The following HERC4 variants were observed in gnomAD, a reference collection of about 807,000 sequenced individuals.
HERC4 encodes HECT and RLD domain containing E3 ubiquitin protein ligase 4.
In HERC4, 28 loss-of-function variants were observed where a neutral mutation model predicts 124.3. The ratio of observed to expected loss-of-function variants is 0.23; its 90% CI spans 0.17 to 0.31. The LOEUF is 0.31. Ranked by LOEUF, HERC4 falls within the 10% of genes least tolerant of loss-of-function variation. The pLI, the probability that HERC4 is intolerant of heterozygous loss-of-function variation, is 1.00. For missense variants in HERC4, 713 were observed against 1,229.3 expected, an observed-to-expected ratio of 0.58 and a Z score of 6.28; for synonymous variants, 407 against 421.5, an observed-to-expected ratio of 0.97 and a Z score of 0.42.
chr10:67,996,253 C>T (rs1564525505), intron 9 of HERC4: 3 of 343,036 alleles, frequency 8.7e-6, no homozygotes, highest in Non-Finnish European at 5.7e-6. Context: ...GCCTGGGCAG[C>T]CTTCTTCTTC....
chr10:68,074,225 T>C (rs2133897141), intron 1 of HERC4: 1 of 152,292 alleles, frequency 6.6e-6, no homozygotes, highest in Non-Finnish European at 1.5e-5. Flanking sequence ...ACACATCGCG[T>C]TACTAAATAT....
At chr10:67,998,034 G>A (rs1223275759) in intron 9 of HERC4, among the ~76,000 whole-genome samples, 1 of 151,924 alleles carries the variant, frequency 6.6e-6, no homozygotes, top group Non-Finnish European at 1.5e-5. Context: ...GAGTAGCTGG[G>A]ACTATAGGTG....
chr10:67,990,231 T>C lies in HERC4; in HGVS notation c.1613A>G (p.Lys538Arg). 1 of 1,605,356 alleles carries C rather than the reference T, an allele frequency of 6.2e-7. No homozygotes were observed. The change falls in exon 14 of 25, where the codon AAG (lysine) becomes AGG (arginine). Residue 538 changes from lysine (K) to arginine (R), a missense_variant. Transcript: ENST00000373700. ...PFGTALVNLE[K>R]APLKVLENWW... ...CTTACCAAGTACTTTCAGTGGTGCC[T>C]TTTCTAGGTTCACAAGAGCTGTACC... is the stretch of plus-strand genomic sequence containing the variant.
At chr10:68,017,591 C>T (rs1272468927) in intron 8 of HERC4, among the ~76,000 whole-genome samples, 1 of 152,212 alleles carries the variant, frequency 6.6e-6, no homozygotes, top group Admixed American at 6.5e-5. Flanking sequence ...TCAAGTGATT[C>T]TCCTGTCTCA....
chr10:68,007,018 T>A (rs1195006681), intron 9 of HERC4, among the ~76,000 whole-genome samples: 1 of 152,200 alleles, frequency 6.6e-6, no homozygotes, highest in Non-Finnish European at 1.5e-5. Context: ...TATTTTTCTT[T>A]AGGATTGAAA....
intron 3 of HERC4, 144 bp from the exon 4 acceptor site, chr10:68,044,707 C>G: frequency 1.5e-6 from 1 of 689,350 alleles, no homozygotes; most frequent in Non-Finnish European, 2.4e-6. Context: ...TAAACACACA[C>G]TAGATATAAC....
intron 16 of HERC4, among the ~76,000 whole-genome samples, chr10:67,962,447 C>T (rs888227305): frequency 1.3e-5 from 2 of 151,844 alleles, no homozygotes; most frequent in African/African-American, 2.4e-5. Context: ...ATTTATAGTG[C>T]GACTAACCCA....
chr10:67,949,304 A>T (rs1377260921), intron 19 of HERC4, among the ~76,000 whole-genome samples: 1 of 152,002 alleles, frequency 6.6e-6, no homozygotes, highest in African/African-American at 2.4e-5. Context: ...AAAAATAAAA[A>T]TAATAAAAAT....
At chr10:67,923,500 A>G (rs1470914465) in intron 24 of HERC4, among the ~76,000 whole-genome samples, 1 of 151,934 alleles carries the variant, frequency 6.6e-6, no homozygotes, top group African/African-American at 2.4e-5. Context: ...TTCTTTTTCT[A>G]TTTGCTTCGT....
At chr10:67,948,751 T>C (rs915042608) in intron 19 of HERC4, among the ~76,000 whole-genome samples, 4 of 151,690 alleles carry the variant, frequency 2.6e-5, no homozygotes, top group Non-Finnish European at 5.9e-5. Context: ...CAAAACACTG[T>C]CTTTACTAAA....
At chr10:67,961,177 G>C (rs1218330081) in intron 16 of HERC4, 1 of 161,826 alleles carries the variant, frequency 6.2e-6, no homozygotes, top group Non-Finnish European at 1.3e-5. Context: ...CCATGCAATG[G>C]AAGTTAGGTC....
intron 11 of HERC4, among the ~76,000 whole-genome samples, chr10:67,991,526 A>G (rs2036552230): frequency 6.6e-6 from 1 of 152,192 alleles, no homozygotes; most frequent in Admixed American, 6.5e-5. Context: ...AATTTTAAAC[A>G]TTTTATATTG....
At position 68,050,915 on chromosome 10, in the gene HERC4, C is replaced by T. The variant is rs186622629; in HGVS notation, c.227-6352G>A. Among the ~76,000 whole-genome samples, 18 of 151,918 alleles carry T rather than the reference C, an allele frequency of 1.2e-4. No individual in the cohort carries two copies. In the East Asian group the frequency reaches 1.9e-3, roughly 16 times the overall value. Reference sequence around the variant, plus strand: ...TACAAAGCCTGGCCCAGTAATGTTCCGTGTAAGAAAGGGATGCAAAAAAAA... The same window carrying T: ...TACAAAGCCTGGCCCAGTAATGTTCTGTGTAAGAAAGGGATGCAAAAAAAA... On this transcript the variant is annotated intron_variant, in intron 3 of 24. Transcript: ENST00000373700.
intron 15 of HERC4, among the ~76,000 whole-genome samples, chr10:67,987,518 C>T (rs1179317356): frequency 1.3e-5 from 2 of 152,122 alleles, no homozygotes; most frequent in Non-Finnish European, 2.9e-5. Context: ...AGAGACCCAT[C>T]TCATGTAGTT....
At chr10:67,987,314 C>T (rs1282935506) in intron 15 of HERC4, among the ~76,000 whole-genome samples, 1 of 151,626 alleles carries the variant, frequency 6.6e-6, no homozygotes, top group Non-Finnish European at 1.5e-5. Context: ...GTAAAAGACA[C>T]AGCTAAGAAA....
At chr10:68,061,152 T>C (rs4746727) in intron 3 of HERC4, among the ~76,000 whole-genome samples, 13,968 of 152,152 alleles carry the variant, frequency 0.092, 1,051 homozygotes, top group East Asian at 0.4. Flanking sequence ...ATAGTTAAAA[T>C]TACTTCAGCT....
At position 68,073,043 on chromosome 10, in the gene HERC4, T is replaced by C; in HGVS notation, c.66A>G (p.Val22=). Residue 22 remains valine (V), a synonymous_variant, in exon 3 of 25, where the codon GTA becomes GTG. Coordinates refer to ENST00000373700, the MANE Select transcript of HERC4 (RefSeq NM_015601.4). ...LGLGGIDEEI[V]LEPRKSDFFI... is the part of the protein sequence containing the mutation. Reference sequence around the variant, plus strand: ...AGAAGTCACTTTTTCTGGGCTCTAGTACAATTTCTTCATCAATTCCACCCA... The same window carrying C: ...AGAAGTCACTTTTTCTGGGCTCTAGCACAATTTCTTCATCAATTCCACCCA... 1 of 1,614,038 alleles carries C rather than the reference T, an allele frequency of 6.2e-7. No individual in the cohort carries two copies. The highest frequency in any genetic ancestry group is 1.1e-5 in the South Asian group (1 of 91,074).
rs1181139611 is a variant in HERC4, at chr10:68,040,251, C to T, written c.387-2082G>A. ...TAAGGCTTGTAACACACATTAAATG[C>T]TAATATCTTTTACCATTATATGCTA... On this transcript the variant is annotated intron_variant, in intron 4 of 24. Transcript: ENST00000373700. 3.1e-6 allele frequency: 3 copies of T among 981,326 alleles called. No individual in the cohort carries two copies. The African/African-American group carries it at 5.3e-5, about 17-fold the overall frequency. 60.8% of individuals were successfully genotyped at this position (981,326 alleles called of 1,614,324 possible). A position where few individuals can be genotyped will look rare whatever the true frequency, so the allele number is the denominator to read the frequency against.
intron 16 of HERC4, chr10:67,966,429 TTTTTTTTGTC>T (rs2034867969): frequency 3.2e-6 from 1 of 312,904 alleles, no homozygotes; most frequent in Non-Finnish European, 5.7e-6. Flanking sequence ...CACTTGTAGG[TTTTTTTTGTC>T]TTGTTTTGTT....
Sources: allele counts gnomAD v4.1 joint callset (sites outside exome capture counted in the v4.1 genomes callset), GRCh38; gene constraint gnomAD v4.1.1; transcripts MANE v1.5; gene names NCBI Gene and HGNC (gene_info 2026-07-23, HGNC 2026-07-21).